The following NAALADL2 variants were observed in gnomAD, a reference collection of about 807,000 sequenced individuals.
NAALADL2 encodes inactive N-acetylated-alpha-linked acidic dipeptidase-like protein 2.
Under a neutral mutation model 87.2 loss-of-function variants are expected in NAALADL2, and 76 were observed. The observed-to-expected ratio is 0.87, with a 90% CI of 0.72 to 1.05. The LOEUF (loss-of-function observed/expected upper bound fraction) is 1.05. NAALADL2 is among the 50% of genes least tolerant of loss of function. The pLI, the probability that NAALADL2 is intolerant of heterozygous loss-of-function variation, is 0.00. For synonymous variants in NAALADL2, 354 were observed against 331.0 expected (o/e 1.07, Z -0.75); for missense variants, 1,089 against 945.8 (o/e 1.15, Z -1.99).
chr3:175,409,354 GTCATTGATT>G (rs1560505101), intron 5 of NAALADL2, among the ~76,000 whole-genome samples: 3 of 151,840 alleles, frequency 2.0e-5, no homozygotes, highest in Non-Finnish European at 4.4e-5. Context: ...TGTCCAGGAT[GTCATTGATT>G]TGTGATTGTA....
chr3:175,238,644 T>C (rs1269587087), intron 3 of NAALADL2, among the ~76,000 whole-genome samples: 1 of 152,174 alleles, frequency 6.6e-6, no homozygotes, highest in African/African-American at 2.4e-5. Flanking sequence ...AGGTGGCTAT[T>C]ATATATGCAT....
intron 1 of NAALADL2, among the ~76,000 whole-genome samples, chr3:174,935,166 CA>C (rs5854603): frequency 0.29 from 43,065 of 147,058 alleles, 6,440 homozygotes; most frequent in East Asian, 0.46. Context: ...AAATCAACTG[CA>C]AAAAAAAAAA....
chr3:174,883,558 GAAATA>G (rs1729693701), intron 1 of NAALADL2, among the ~76,000 whole-genome samples: 1 of 152,244 alleles, frequency 6.6e-6, no homozygotes, highest in East Asian at 1.9e-4. Context: ...ATGGAGAAAG[GAAATA>G]AAATGAAGAT....
intron 1 of NAALADL2, among the ~76,000 whole-genome samples, chr3:175,096,212 A>G (rs1721129968): frequency 6.6e-6 from 1 of 151,972 alleles, no homozygotes; most frequent in African/African-American, 2.4e-5. Flanking sequence ...AACATAACAG[A>G]TTTTGCTTCT....
At chr3:175,259,065 T>C (rs1750571217) in intron 4 of NAALADL2, among the ~76,000 whole-genome samples, 1 of 152,148 alleles carries the variant, frequency 6.6e-6, no homozygotes, top group African/African-American at 2.4e-5. Flanking sequence ...TTGCAGTAGG[T>C]ACTGCTTCAG....
chr3:175,609,689 A>G (rs1724327122), intron 10 of NAALADL2: 1 of 152,180 alleles, frequency 6.6e-6, no homozygotes, highest in Admixed American at 6.6e-5. Context: ...ATTACAGTGT[A>G]TGAACTAAGC....
intron 4 of NAALADL2, among the ~76,000 whole-genome samples, chr3:175,305,328 T>C (rs962212984): frequency 2.6e-5 from 4 of 151,922 alleles, no homozygotes. Flanking sequence ...CTAACTGAAC[T>C]TTATTATTAA....
chr3:174,763,829 C>CAAAAAAAA (rs5854592), intron 3 of NAALADL2, among the ~76,000 whole-genome samples: 1 of 138,166 alleles, frequency 7.2e-6, no homozygotes, highest in African/African-American at 2.6e-5. Flanking sequence ...CAAAACAAAA[C>CAAAAAAAA]AAAAAAAAAA....
chr3:175,491,710 A>G (rs1002116686), intron 9 of NAALADL2, among the ~76,000 whole-genome samples: 9 of 152,192 alleles, frequency 5.9e-5, no homozygotes, highest in Non-Finnish European at 8.8e-5. Context: ...CTGGTAGGCC[A>G]TGCCACCCTG....
At chr3:175,323,841 C>A (rs1258772015) in intron 4 of NAALADL2, among the ~76,000 whole-genome samples, 3 of 140,074 alleles carry the variant, frequency 2.1e-5, no homozygotes, top group Non-Finnish European at 3.0e-5. Context: ...CACGGTGAAA[C>A]CCTGTCTCTA....
At chr3:175,256,057 C>A (rs1165406873) in intron 3 of NAALADL2, among the ~76,000 whole-genome samples, 2 of 152,082 alleles carry the variant, frequency 1.3e-5, no homozygotes, top group Admixed American at 1.3e-4. Flanking sequence ...TGCTGTTGAA[C>A]CTTAAGGAAA....
intron 1 of NAALADL2, among the ~76,000 whole-genome samples, chr3:174,896,806 G>C (rs1731590463): frequency 6.6e-6 from 1 of 152,200 alleles, no homozygotes; most frequent in South Asian, 2.1e-4. Flanking sequence ...AAAGCAGCAT[G>C]GAATTGGCAT....
intron 10 of NAALADL2, among the ~76,000 whole-genome samples, chr3:175,591,784 G>A (rs572670240): frequency 1.8e-4 from 24 of 137,060 alleles, no homozygotes; most frequent in East Asian, 6.0e-4. Flanking sequence ...GTGTGTGTGT[G>A]TATATATATA....
intron 1 of NAALADL2, among the ~76,000 whole-genome samples, chr3:175,045,975 C>T (rs938706846): frequency 6.6e-5 from 10 of 151,728 alleles, no homozygotes; most frequent in African/African-American, 2.4e-4. Flanking sequence ...AGACACTCAA[C>T]AAGAACCTCC....
intron 13 of NAALADL2, among the ~76,000 whole-genome samples, chr3:175,781,208 T>A (rs1751019228): frequency 6.6e-6 from 1 of 152,188 alleles, no homozygotes; most frequent in African/African-American, 2.4e-5. Context: ...TTTTAAAAAT[T>A]ATTTTCATTA....
At chr3:174,663,820 C>A (rs1266664536) in intron 2 of NAALADL2, among the ~76,000 whole-genome samples, 1 of 142,384 alleles carries the variant, frequency 7.0e-6, no homozygotes, top group Admixed American at 7.3e-5. Context: ...CAGAGTTTTG[C>A]TCTGTCACCC....
At chr3:175,207,152 TC>T (rs1300689681) in intron 2 of NAALADL2, among the ~76,000 whole-genome samples, 1 of 152,124 alleles carries the variant, frequency 6.6e-6, no homozygotes, top group Non-Finnish European at 1.5e-5. Context: ...ACTCAATATT[TC>T]TTTAATTAAT....
intron 3 of NAALADL2, among the ~76,000 whole-genome samples, chr3:174,834,454 G>A (rs563111875): frequency 5.7e-4 from 86 of 151,704 alleles, no homozygotes; most frequent in Non-Finnish European, 1.3e-4. Context: ...TTCTAGCATT[G>A]TAATAAAGGA....
At chr3:174,727,642 C>A (rs1732329917) in intron 2 of NAALADL2, among the ~76,000 whole-genome samples, 1 of 152,070 alleles carries the variant, frequency 6.6e-6, no homozygotes, top group African/African-American at 2.4e-5. Flanking sequence ...TCCCCAACCC[C>A]AAAGCACAAC....
Sources: gnomAD v4.1 joint callset for allele counts (sites outside exome capture counted in the v4.1 genomes callset) on GRCh38, gnomAD v4.1.1 for gene constraint, MANE v1.5 for transcripts, NCBI Gene and HGNC (gene_info 2026-07-23, HGNC 2026-07-21) for gene names.